The following FBXL17 variants were observed in gnomAD, a reference collection of about 807,000 sequenced individuals.
The protein encoded by FBXL17 is F-box and leucine rich repeat protein 17.
In FBXL17, 22 loss-of-function variants were observed where a neutral mutation model predicts 66.2. The ratio of observed to expected loss-of-function variants is 0.33; its 90% CI spans 0.24 to 0.47. The LOEUF (loss-of-function observed/expected upper bound fraction) is 0.47. FBXL17 is among the 20% of genes least tolerant of loss of function. The pLI is 1.00. For synonymous variants in FBXL17, 474 were observed against 400.5 expected, an observed-to-expected ratio of 1.18 and a Z score of -2.19; for missense variants, 878 against 948.2, an observed-to-expected ratio of 0.93 and a Z score of 0.97.
intron 6 of FBXL17, among the ~76,000 whole-genome samples, chr5:108,052,366 T>A (rs1267514913): frequency 6.6e-6 from 1 of 152,150 alleles, no homozygotes; most frequent in African/African-American, 2.4e-5. Context: ...AGTCTCAGGA[T>A]ACAAAATCAA....
At chr5:107,917,629 T>C (rs949053251) in intron 7 of FBXL17, among the ~76,000 whole-genome samples, 1 of 152,230 alleles carries the variant, frequency 6.6e-6, no homozygotes, top group South Asian at 2.1e-4. Flanking sequence ...ACACCTGATA[T>C]GCAAAATTGT....
rs183379222 is a variant in FBXL17, at chr5:108,256,427, G to A, written c.1507-32199C>T. ...TTGAATTATCAAGTAACTCCAAAAC[G>A]TTTGTTTAAAAAATAGCAGACTTGT... On this transcript the variant is annotated intron_variant, in intron 4 of 8. Coordinates refer to ENST00000542267, the MANE Select transcript of FBXL17 (RefSeq NM_001163315.3). Among the ~76,000 whole-genome samples, 35 of 151,988 alleles carry A rather than the reference G, an allele frequency of 2.3e-4. No homozygotes were observed. In the South Asian group the frequency reaches 6.0e-3, roughly 26 times the overall value.
At chr5:107,946,095 T>G (rs996899019) in intron 7 of FBXL17, among the ~76,000 whole-genome samples, 1 of 150,956 alleles carries the variant, frequency 6.6e-6, no homozygotes, top group Non-Finnish European at 1.5e-5. Context: ...AATAAGGAAA[T>G]GGAATAATTA....
chr5:108,031,930 A>G (rs1746659488), intron 6 of FBXL17, among the ~76,000 whole-genome samples: 1 of 152,152 alleles, frequency 6.6e-6, no homozygotes, highest in African/African-American at 2.4e-5. Context: ...AATGGAAACT[A>G]CAATATCTAC....
intron 4 of FBXL17, among the ~76,000 whole-genome samples, chr5:108,259,756 G>C (rs1756731857): frequency 6.6e-6 from 1 of 152,072 alleles, no homozygotes; most frequent in South Asian, 2.1e-4. Flanking sequence ...AGGATAGAGA[G>C]GGTATCTAAA....
chr5:108,185,307 T>C (rs566833084), intron 6 of FBXL17, among the ~76,000 whole-genome samples: 79 of 152,282 alleles, frequency 5.2e-4, no homozygotes, highest in Non-Finnish European at 6.2e-4. Context: ...GGTGATTGGA[T>C]CATGGGGGCA....
At chr5:108,110,714 G>A (rs1749999692) in intron 6 of FBXL17, among the ~76,000 whole-genome samples, 1 of 151,388 alleles carries the variant, frequency 6.6e-6, no homozygotes, top group African/African-American at 2.4e-5. Flanking sequence ...CAATCCTACT[G>A]CAGCTTTCTT....
At chr5:107,982,662 T>A (rs1752872252) in intron 7 of FBXL17, among the ~76,000 whole-genome samples, 1 of 152,212 alleles carries the variant, frequency 6.6e-6, no homozygotes, top group Non-Finnish European at 1.5e-5. Flanking sequence ...TGAGCATACA[T>A]CCTGATTATA....
intron 4 of FBXL17, among the ~76,000 whole-genome samples, chr5:108,271,816 T>C (rs1365917489): frequency 2.6e-5 from 4 of 152,182 alleles, no homozygotes; most frequent in Non-Finnish European, 5.9e-5. Flanking sequence ...TCTTGAAAGA[T>C]CTCCAAAACA....
At chr5:108,378,586 A>C (rs1028483912) in intron 1 of FBXL17, among the ~76,000 whole-genome samples, 3 of 152,076 alleles carry the variant, frequency 2.0e-5, no homozygotes, top group Non-Finnish European at 2.9e-5. Context: ...AGTCCTTACC[A>C]GCAGAGCCAG....
At chr5:108,283,562 C>G (rs776880707) in intron 4 of FBXL17, among the ~76,000 whole-genome samples, 1 of 151,784 alleles carries the variant, frequency 6.6e-6, no homozygotes, top group Non-Finnish European at 1.5e-5. Flanking sequence ...AATATAGGAA[C>G]CAAAGTTATA....
At chr5:108,171,890 T>A (rs982286933) in intron 6 of FBXL17, among the ~76,000 whole-genome samples, 2 of 152,120 alleles carry the variant, frequency 1.3e-5, no homozygotes, top group African/African-American at 4.8e-5. Flanking sequence ...GGTGAGTAAG[T>A]CTCACAAGAT....
At chr5:107,982,952 G>C (rs934882393) in intron 7 of FBXL17, among the ~76,000 whole-genome samples, 5 of 152,128 alleles carry the variant, frequency 3.3e-5, no homozygotes, top group Non-Finnish European at 7.4e-5. Flanking sequence ...GCTGTTCTCA[G>C]AAATAAAAGC....
chr5:108,244,679 G>A (rs1756013983), intron 4 of FBXL17, among the ~76,000 whole-genome samples: 2 of 152,040 alleles, frequency 1.3e-5, no homozygotes, highest in South Asian at 4.1e-4. Context: ...ATGACATGTT[G>A]CACCTACTCT....
intron 5 of FBXL17, among the ~76,000 whole-genome samples, chr5:108,187,114 G>A (rs1753269572): frequency 6.6e-6 from 1 of 151,996 alleles, no homozygotes; most frequent in South Asian, 2.1e-4. Flanking sequence ...ATTTCTCCAG[G>A]TTCCACCTTC....
chr5:107,860,982 T>C lies in FBXL17; in HGVS notation c.*738A>G, dbSNP rs1408590501. ...TGTTAACATAAAACCAACTAAAATATTTAGTGCTCAACAGAATGCATTTGT... is the reference window on the plus strand; with the variant it reads ...TGTTAACATAAAACCAACTAAAATACTTAGTGCTCAACAGAATGCATTTGT... On this transcript the variant is annotated 3_prime_UTR_variant, in exon 9 of 9. Transcript: ENST00000542267. The C allele has an allele frequency of 6.6e-6, 1 of 152,156 alleles. No individual in the cohort carries two copies. The highest frequency in any genetic ancestry group is 2.4e-5 in the African/African-American group (1 of 41,440). The allele number at this position is 152,156 out of a possible 1,614,324, so 9.4% of individuals were successfully genotyped here. A position where few individuals can be genotyped will look rare whatever the true frequency, so the allele number is the denominator to read the frequency against.
intron 7 of FBXL17, among the ~76,000 whole-genome samples, chr5:108,011,077 T>C (rs2112739798): frequency 6.6e-6 from 1 of 152,308 alleles, no homozygotes; most frequent in Non-Finnish European, 1.5e-5. Flanking sequence ...TATAATGAAT[T>C]ATTTTAATGT....
At chr5:108,100,552 T>C (rs1350093114) in intron 6 of FBXL17, among the ~76,000 whole-genome samples, 1 of 152,194 alleles carries the variant, frequency 6.6e-6, no homozygotes, top group East Asian at 1.9e-4. Context: ...TTCTTGATCA[T>C]TTTATTTAAC....
intron 4 of FBXL17, among the ~76,000 whole-genome samples, chr5:108,285,281 C>T (rs1278619813): frequency 6.6e-6 from 1 of 151,834 alleles, no homozygotes; most frequent in African/African-American, 2.4e-5. Context: ...AAACTTCCTC[C>T]AAGCTTCTGT....
Sources: allele counts gnomAD v4.1 joint callset (sites outside exome capture counted in the v4.1 genomes callset), GRCh38; gene constraint gnomAD v4.1.1; transcripts MANE v1.5; gene names NCBI Gene and HGNC (gene_info 2026-07-23, HGNC 2026-07-21).